The following DLG2 variants were observed in gnomAD, a reference collection of about 807,000 sequenced individuals.
The protein encoded by DLG2 is discs large MAGUK scaffold protein 2.
In DLG2, 45 loss-of-function variants were observed where a neutral mutation model predicts 132.5. The ratio of observed to expected loss-of-function variants is 0.34; its 90% CI spans 0.27 to 0.44. The LOEUF is 0.44. Ranked by LOEUF, DLG2 falls within the 20% of genes least tolerant of loss-of-function variation. The probability of loss-of-function intolerance (pLI) is 1.00; values close to 1 mark genes in which losing one functional copy is unlikely to be tolerated. For synonymous variants in DLG2, 424 were observed against 419.6 expected, an observed-to-expected ratio of 1.01 and a Z score of -0.13; for missense variants, 1,045 against 1,196.9, an observed-to-expected ratio of 0.87 and a Z score of 1.87.
intron 6 of DLG2, among the ~76,000 whole-genome samples, chr11:85,095,324 T>C (rs945085578): frequency 6.6e-6 from 1 of 152,256 alleles, no homozygotes; most frequent in Non-Finnish European, 1.5e-5. Context: ...AATCTTTGAT[T>C]TGTAGAAAAC....
intron 14 of DLG2, among the ~76,000 whole-genome samples, chr11:83,960,004 T>C (rs142044710): frequency 1.5e-4 from 23 of 151,644 alleles, no homozygotes; most frequent in Non-Finnish European, 3.1e-4. Context: ...AACAGGAATA[T>C]AAAGATGATC....
chr11:83,786,901 A>G, intron 17 of DLG2, 109 bp from the exon 18 acceptor site: 1 of 780,752 alleles, frequency 1.3e-6, no homozygotes, highest in Non-Finnish European at 2.1e-6. Flanking sequence ...CACATGCCTC[A>G]GAAACCCCTC....
chr11:84,594,396 T>A (rs7105003), intron 6 of DLG2, among the ~76,000 whole-genome samples: 45 of 152,096 alleles, frequency 3.0e-4, no homozygotes, highest in Non-Finnish European at 5.4e-4. Context: ...GTCTAGACAA[T>A]AGAGGTGACT....
rs560663242 is a variant in DLG2 at position 85,373,182 on chromosome 11, G to A, written c.41-87817C>T. 3.3e-5 allele frequency among the ~76,000 whole-genome samples: 5 copies of A among 152,106 alleles called. No homozygotes were observed. In the East Asian group the frequency reaches 5.8e-4, roughly 18 times the overall value. On this transcript the variant is annotated intron_variant, in intron 3 of 27. Transcript: ENST00000376104. ...AGGGTAAAGCTTTTTTTAACCAGTCGGACTTTTGGCTTCCCTCTCTCTGTG... is the reference window on the plus strand; with the variant it reads ...AGGGTAAAGCTTTTTTTAACCAGTCAGACTTTTGGCTTCCCTCTCTCTGTG...
chr11:83,934,330 C>T (rs760027334), intron 14 of DLG2, among the ~76,000 whole-genome samples: 1 of 152,116 alleles, frequency 6.6e-6, no homozygotes, highest in East Asian at 1.9e-4. Context: ...GAGACTAATA[C>T]CAGACTGACT....
chr11:84,783,801 T>C (rs1272767041), intron 6 of DLG2, among the ~76,000 whole-genome samples: 3 of 152,112 alleles, frequency 2.0e-5, no homozygotes, highest in Non-Finnish European at 4.4e-5. Flanking sequence ...ATGTTCAACA[T>C]GTCAAATAAT....
rs564569110 is a variant in DLG2, at chr11:84,066,564, A to G, written c.750-7080T>C. 2.6e-5 allele frequency among the ~76,000 whole-genome samples: 4 copies of G among 152,298 alleles called. No homozygotes were observed. The South Asian group carries it at 8.3e-4, about 32-fold the overall frequency. ...CACCTGAGGTCAGGAGTTCGAGACC[A>G]GCCTGGCCAACATGATGAAATCCTG... is the stretch of plus-strand genomic sequence containing the variant. On this transcript the variant is annotated intron_variant, in intron 10 of 27. Coordinates refer to ENST00000376104, the MANE Select transcript of DLG2 (RefSeq NM_001142699.3).
chr11:84,625,393 A>G (rs982707525), intron 6 of DLG2, among the ~76,000 whole-genome samples: 5 of 152,146 alleles, frequency 3.3e-5, no homozygotes, highest in Admixed American at 2.0e-4. Flanking sequence ...CTGCTTCCGC[A>G]TTACTTATGA....
At chr11:83,882,831 T>C (rs1345564549) in intron 15 of DLG2, among the ~76,000 whole-genome samples, 1 of 152,194 alleles carries the variant, frequency 6.6e-6, no homozygotes, top group African/African-American at 2.4e-5. Flanking sequence ...ATTAGTTCTT[T>C]CCTTATCTTT....
intron 24 of DLG2, among the ~76,000 whole-genome samples, chr11:83,470,797 G>C (rs772317426): frequency 6.6e-6 from 1 of 152,146 alleles, no homozygotes; most frequent in African/African-American, 2.4e-5. Flanking sequence ...TGGAATGTTA[G>C]AGACACTTGA....
chr11:84,773,302 G>T (rs2069754080), intron 6 of DLG2, among the ~76,000 whole-genome samples: 1 of 151,978 alleles, frequency 6.6e-6, no homozygotes, highest in African/African-American at 2.4e-5. Flanking sequence ...CTACCAACCA[G>T]AAATAGCCCT....
intron 21 of DLG2, among the ~76,000 whole-genome samples, chr11:83,516,710 G>A (rs948481070): frequency 3.7e-4 from 56 of 152,234 alleles, no homozygotes; most frequent in Non-Finnish European, 7.6e-4. Context: ...GCTCTTGTAG[G>A]GCAGGCCTGG....
chr11:83,525,463 T>TAA (rs2095584080), intron 21 of DLG2, among the ~76,000 whole-genome samples: 1 of 152,118 alleles, frequency 6.6e-6, no homozygotes, highest in Non-Finnish European at 1.5e-5. Context: ...TCTTTATACA[T>TAA]AAAAATATAA....
At chr11:83,760,374 G>A (rs2093846998) in intron 18 of DLG2, among the ~76,000 whole-genome samples, 1 of 152,186 alleles carries the variant, frequency 6.6e-6, no homozygotes, top group Non-Finnish European at 1.5e-5. Context: ...TGCAAAAGCT[G>A]AGACCAAGTC....
At chr11:84,764,611 G>C (rs548559172) in intron 6 of DLG2, among the ~76,000 whole-genome samples, 1 of 152,020 alleles carries the variant, frequency 6.6e-6, no homozygotes, top group Non-Finnish European at 1.5e-5. Flanking sequence ...CTTGAAGAAT[G>C]AGTTCATAGA....
chr11:85,570,057 C>A (rs543486768), intron 3 of DLG2, among the ~76,000 whole-genome samples: 1 of 152,274 alleles, frequency 6.6e-6, no homozygotes, highest in African/African-American at 2.4e-5. Context: ...ACTACGCTCA[C>A]TACCTGGGTA....
intron 3 of DLG2, among the ~76,000 whole-genome samples, chr11:85,315,950 C>A (rs969693998): frequency 2.6e-5 from 4 of 152,014 alleles, no homozygotes; most frequent in African/African-American, 9.7e-5. Context: ...GAAAGGTTCT[C>A]CCTCACCTGA....
intron 3 of DLG2, among the ~76,000 whole-genome samples, chr11:85,484,189 T>A (rs958332712): frequency 1.3e-5 from 2 of 151,362 alleles, no homozygotes; most frequent in Admixed American, 6.6e-5. Flanking sequence ...CGGTGGCGGA[T>A]CTTTCCCGCC....
chr11:84,137,122 T>C (rs1344832969), intron 9 of DLG2, among the ~76,000 whole-genome samples: 2 of 152,108 alleles, frequency 1.3e-5, no homozygotes, highest in Non-Finnish European at 2.9e-5. Flanking sequence ...ACTGTGTAGG[T>C]TGTGGCAACT....
Sources: gnomAD v4.1 joint callset for allele counts (sites outside exome capture counted in the v4.1 genomes callset) on GRCh38, gnomAD v4.1.1 for gene constraint, MANE v1.5 for transcripts, NCBI Gene and HGNC (gene_info 2026-07-23, HGNC 2026-07-21) for gene names.